The following CFHR4 variants were observed in gnomAD, a reference collection of about 807,000 sequenced individuals.
CFHR4 encodes complement factor H related 4.
A neutral mutation model predicts 69.3 loss-of-function variants in CFHR4; 64 were observed. The ratio of observed to expected loss-of-function variants is 0.92; its 90% CI spans 0.76 to 1.14. CFHR4 has a LOEUF of 1.14. CFHR4 is among the 50% of genes most tolerant of loss of function. The pLI is 0.00. For missense variants in CFHR4, 636 were observed against 684.9 expected, an observed-to-expected ratio of 0.93 and a Z score of 0.80; for synonymous variants, 244 against 237.0, an observed-to-expected ratio of 1.03 and a Z score of -0.27.
Position 196,902,533 on chromosome 1 carries a change from A to T in CFHR4, c.174A>T (p.Gln58His), listed in dbSNP as rs1413143225. 1 of 1,612,086 alleles carries T rather than the reference A, an allele frequency of 6.2e-7. No homozygotes were observed. Among genetic ancestry groups the T allele is most frequent in the Non-Finnish European group, 8.5e-7 (1 of 1,179,166 alleles). ...AGQSYSYYCD[Q>H]NFVTPSGSYW... is the part of the protein sequence containing the mutation. Reference sequence around the variant, plus strand: ...AATCTTATTCCTATTACTGTGATCAAAATTTTGTGACTCCTTCAGGAAGTT... The same window carrying T: ...AATCTTATTCCTATTACTGTGATCATAATTTTGTGACTCCTTCAGGAAGTT... The change falls in exon 2 of 10, where the codon CAA (glutamine) becomes CAT (histidine). Residue 58 changes from glutamine (Q) to histidine (H), a missense_variant. Coordinates refer to ENST00000608469, the MANE Select transcript of CFHR4 (RefSeq NM_001201550.3).
chr1:196,916,011 G>A (rs1418019159), intron 9 of CFHR4, among the ~76,000 whole-genome samples: 1 of 151,402 alleles, frequency 6.6e-6, no homozygotes, highest in East Asian at 1.9e-4. Flanking sequence ...AGTATTCCTA[G>A]CAAGCAACAA....
At chr1:196,906,594 C>T (rs560900834) in intron 3 of CFHR4, among the ~76,000 whole-genome samples, 4 of 151,124 alleles carry the variant, frequency 2.6e-5, no homozygotes, top group Non-Finnish European at 4.4e-5. Context: ...GAGGTGTTCA[C>T]AAATAAAAAT....
rs149436909 is a variant in CFHR4, at chr1:196,905,364, A to C, written c.439+74A>C. Reference sequence around the variant, plus strand: ...TCTTTGAGGTGATAGTGTTTTACAGAAAAAGATAGAAAACACTTTTAGGAG... The same window carrying C: ...TCTTTGAGGTGATAGTGTTTTACAGCAAAAGATAGAAAACACTTTTAGGAG... On this transcript the variant is annotated intron_variant, in intron 3 of 9. Transcript: ENST00000608469. 62 of 1,564,488 alleles carry C rather than the reference A, an allele frequency of 4.0e-5. No individual in the cohort carries two copies. In the Middle Eastern group the frequency reaches 8.5e-4, roughly 21 times the overall value.
chr1:196,888,203 G>A lies in CFHR4; in HGVS notation c.53G>A (p.Gly18Glu), dbSNP rs776432281. Residue 18 changes from glycine to glutamate, a missense_variant, in exon 1 of 10, where the codon GGA becomes GAA. Around this residue, in one of 3 missense-constraint regions of CFHR4, gnomAD observed 529 missense variants for 533.2 expected, o/e 0.99. Transcript: ENST00000608469. ...ACCTTGTGGGTTTCCTGTGCTAATG[G>A]ACAAGGTAAGTTGAAAGAGATCTAA... ...ILTLWVSCAN[G>E]QEVKPCDFPE... 1.6e-5 allele frequency: 25 copies of A among 1,610,938 alleles called. No individual in the cohort carries two copies. In the South Asian group the frequency reaches 2.7e-4, roughly 18 times the overall value.
At chr1:196,916,593 A>G (rs1658647661) in intron 9 of CFHR4, among the ~76,000 whole-genome samples, 1 of 151,870 alleles carries the variant, frequency 6.6e-6, no homozygotes, top group Non-Finnish European at 1.5e-5. Flanking sequence ...AAACTATGCA[A>G]GTGGCAAGAC....
chr1:196,915,571 GTTGCAGTGAGCGGAGA>G (rs1658560571), intron 9 of CFHR4, among the ~76,000 whole-genome samples: 1 of 151,482 alleles, frequency 6.6e-6, no homozygotes, highest in African/African-American at 2.4e-5. Context: ...GGAGGCAGAG[GTTGCAGTGAGCGGAGA>G]TTGCACCATT....
rs766466004 is a variant in CFHR4 at position 196,914,630 on chromosome 1, T to G, written c.1316T>G (p.Val439Gly). Residue 439 changes from valine (V) to glycine (G), a missense_variant, in exon 8 of 10, where the codon GTG becomes GGG. Val to Gly is a moderately radical substitution (Grantham distance 109, BLOSUM62 -3). This residue lies in a region of CFHR4 where 529 missense variants were observed against 533.2 expected (regional missense o/e 0.99). Coordinates refer to ENST00000608469, the MANE Select transcript of CFHR4 (RefSeq NM_001201550.3). ...ISYGNTTGSI[V>G]CGEDGWSHFP... The stretch of plus-strand genomic sequence containing the variant: ...TATGGAAACACCACAGGTTCCATAG[T>G]GTGTGGTGAAGATGGGTGGTCCCAT... 6.2e-7 allele frequency: 1 copy of G among 1,609,642 alleles called. No homozygotes were observed. Among genetic ancestry groups the G allele is most frequent in the Non-Finnish European group, 8.5e-7 (1 of 1,178,398 alleles).
In CFHR4 at chr1:196,914,650, T is replaced by A. The variant is rs768413514; in HGVS notation, c.1336T>A (p.Ser446Thr). 1.2e-5 allele frequency: 20 copies of A among 1,603,038 alleles called. No homozygotes were observed. The African/African-American group carries it at 2.4e-4, about 20-fold the overall frequency. The stretch of plus-strand genomic sequence containing the variant: ...CATAGTGTGTGGTGAAGATGGGTGG[T>A]CCCATTTCCCAACATGTTATAGTAA... ...GSIVCGEDGWSHFPTCYNSSE... is the reference protein window; with the variant it reads ...GSIVCGEDGWTHFPTCYNSSE... Residue 446 changes from serine (S) to threonine (T), a missense_variant, in exon 8 of 10, where the codon TCC becomes ACC. Physicochemically the swap from Ser to Thr is moderately conservative, Grantham distance 58 (BLOSUM62 1). Transcript: ENST00000608469.
chr1:196,910,084 G>A (rs574473542), intron 5 of CFHR4, among the ~76,000 whole-genome samples, 197 bp from the exon 6 acceptor site: 3 of 149,074 alleles, frequency 2.0e-5, no homozygotes, highest in Non-Finnish European at 3.0e-5. Flanking sequence ...CCTGGGAGAC[G>A]GAGGTCACAG....
intron 1 of CFHR4, among the ~76,000 whole-genome samples, chr1:196,896,910 A>ATTT (rs1307331397): frequency 6.6e-6 from 1 of 151,442 alleles, no homozygotes; most frequent in Non-Finnish European, 1.5e-5. Context: ...TATTATTATT[A>ATTT]TTATACTTTA....
intron 5 of CFHR4, among the ~76,000 whole-genome samples, chr1:196,908,239 A>G (rs193010363): frequency 6.6e-6 from 1 of 151,362 alleles, no homozygotes; most frequent in Admixed American, 6.6e-5. Flanking sequence ...GCAAACCACC[A>G]TGGCACATGT....
At chr1:196,897,417 C>T (rs1421689912) in intron 1 of CFHR4, among the ~76,000 whole-genome samples, 1 of 151,558 alleles carries the variant, frequency 6.6e-6, no homozygotes, top group Non-Finnish European at 1.5e-5. Flanking sequence ...GGACCCTCTG[C>T]CTTATCTCAA....
At position 196,910,293 on chromosome 1, in the gene CFHR4, G is replaced by A; in HGVS notation, c.812G>A (p.Cys271Tyr). 1 of 1,591,906 alleles carries A rather than the reference G, an allele frequency of 6.3e-7. No individual in the cohort carries two copies. The highest frequency in any genetic ancestry group is 8.6e-7 in the Non-Finnish European group (1 of 1,167,300). Residue 271 changes from cysteine (C) to tyrosine (Y), a missense_variant, in exon 6 of 10, where the codon TGT becomes TAT. Transcript: ENST00000608469. ...TTTTTGTTACAAGCAATGAAACCTT[G>A]TGAGTTTCCAGAAATTCAACATGGA... ...EPPRCISMKP[C>Y]EFPEIQHGHL...
intron 1 of CFHR4, among the ~76,000 whole-genome samples, chr1:196,895,888 C>T (rs191181486): frequency 6.6e-6 from 1 of 151,674 alleles, no homozygotes; most frequent in East Asian, 1.9e-4. Flanking sequence ...AGATTCTCCT[C>T]CTTCTACATG....
At position 196,916,941 on chromosome 1, in the gene CFHR4, T is replaced by C. The variant is rs532025322; in HGVS notation, c.1541-1269T>C. Among the ~76,000 whole-genome samples, 168 of 151,618 alleles carry C rather than the reference T, an allele frequency of 1.1e-3. 2 individuals carry two copies. Among genetic ancestry groups the C allele is most frequent in the Non-Finnish European group, 1.8e-3 (121 of 67,946 alleles). ...AAGATTACATATACATATGGCATATTAAAGCAATGAGGAAAACTTTCCCAG... is the reference window on the plus strand; with the variant it reads ...AAGATTACATATACATATGGCATATCAAAGCAATGAGGAAAACTTTCCCAG... On this transcript the variant is annotated intron_variant, in intron 9 of 9. Transcript: ENST00000608469.
rs1157403608 is a variant in CFHR4 at position 196,910,636 on chromosome 1, C to A, written c.997+158C>A. On this transcript the variant is annotated intron_variant, in intron 6 of 9. Coordinates refer to ENST00000608469, the MANE Select transcript of CFHR4 (RefSeq NM_001201550.3). ...AAACTAGATCTTTTCTGTTATGAGACCTTCATGAAAATCACATGAGAAATA... is the reference window on the plus strand; with the variant it reads ...AAACTAGATCTTTTCTGTTATGAGAACTTCATGAAAATCACATGAGAAATA... Among the ~76,000 whole-genome samples the A allele has an allele frequency of 2.6e-5, 4 of 151,294 alleles. 1 individual carries two copies. The highest frequency in any genetic ancestry group is 9.8e-5 in the African/African-American group (4 of 40,964).
chr1:196,906,667 T>C (rs1235067153), intron 3 of CFHR4, among the ~76,000 whole-genome samples, 194 bp from the exon 4 acceptor site: 2 of 151,422 alleles, frequency 1.3e-5, no homozygotes, highest in African/African-American at 4.9e-5. Flanking sequence ...AGGATCATTA[T>C]AGGGAAATGT....
intron 2 of CFHR4, among the ~76,000 whole-genome samples, chr1:196,904,890 C>G (rs1657826662): frequency 1.3e-5 from 2 of 151,524 alleles, no homozygotes; most frequent in Admixed American, 6.6e-5. Context: ...GCTCTGTTGA[C>G]AGTCTCAAAG....
At chr1:196,911,564 A>C (rs1658270411) in intron 6 of CFHR4, among the ~76,000 whole-genome samples, 1 of 151,464 alleles carries the variant, frequency 6.6e-6, no homozygotes, top group African/African-American at 2.4e-5. Flanking sequence ...CTTTTTAGGT[A>C]AAGGGGTCTC....
Sources: allele counts gnomAD v4.1 joint callset (sites outside exome capture counted in the v4.1 genomes callset), GRCh38; gene constraint gnomAD v4.1.1; regional missense constraint gnomAD v4.1.1; transcripts MANE v1.5; gene names NCBI Gene and HGNC (gene_info 2026-07-23, HGNC 2026-07-21).